Variants in RBFOX1 observed in about 807,000 individuals in gnomAD.
The protein encoded by RBFOX1 is RNA binding protein fox-1 homolog 1.
In RBFOX1, 8 loss-of-function variants were observed where a neutral mutation model predicts 57.7. That is an observed-to-expected ratio of 0.14 (90% CI 0.08 to 0.25). The LOEUF (loss-of-function observed/expected upper bound fraction) is 0.25. Ranked by LOEUF, RBFOX1 falls within the 10% of genes least tolerant of loss-of-function variation. RBFOX1 has a pLI of 1.00. For synonymous variants in RBFOX1, 326 were observed against 222.4 expected (o/e 1.47, Z -4.15); for missense variants, 611 against 548.5 (o/e 1.11, Z -1.14).
At chr16:5,893,299 A>T (rs1261159879) in intron 4 of RBFOX1, among the ~76,000 whole-genome samples, 1 of 152,242 alleles carries the variant, frequency 6.6e-6, no homozygotes, top group Admixed American at 6.5e-5. Context: ...TGTTAAGATC[A>T]CATGGTGAAT....
intron 2 of RBFOX1, among the ~76,000 whole-genome samples, chr16:6,647,860 A>C (rs2098546553): frequency 6.6e-6 from 1 of 151,868 alleles, no homozygotes; most frequent in South Asian, 2.1e-4. Flanking sequence ...TTTGTTTTGA[A>C]ACAGAGTCTT....
chr16:7,656,920 A>G (rs546357110), intron 12 of RBFOX1, among the ~76,000 whole-genome samples: 2 of 152,268 alleles, frequency 1.3e-5, no homozygotes, highest in East Asian at 1.9e-4. Context: ...CATTTCCTAA[A>G]TTGCCACAGT....
At chr16:7,576,025 C>T (rs2093307763) in intron 5 of RBFOX1, among the ~76,000 whole-genome samples, 1 of 152,074 alleles carries the variant, frequency 6.6e-6, no homozygotes, top group Admixed American at 6.6e-5. Context: ...CCTTGATCTC[C>T]TGGGCTCCAG....
chr16:7,486,303 T>A (rs1029363766), intron 4 of RBFOX1, among the ~76,000 whole-genome samples: 9 of 148,378 alleles, frequency 6.1e-5, no homozygotes, highest in Non-Finnish European at 1.5e-5. Context: ...GGTTCATTTT[T>A]GTTTTTTTTG....
chr16:5,645,446 A>C (rs2049022828), intron 3 of RBFOX1, among the ~76,000 whole-genome samples: 1 of 152,152 alleles, frequency 6.6e-6, no homozygotes, highest in African/African-American at 2.4e-5. Context: ...AAGAGTGATA[A>C]TGTTTGGGAA....
Position 7,346,623 on chromosome 16 carries a change from T to A in RBFOX1, c.28-171524T>A, listed in dbSNP as rs377253878. 1.4e-4 allele frequency among the ~76,000 whole-genome samples: 22 copies of A among 151,936 alleles called. No individual in the cohort carries two copies. In the East Asian group the frequency reaches 1.8e-3, roughly 12 times the overall value. ...CTGACACATCATGGTGTGTGTCCCATGTGGCCCACGGGCATTGCTTCGTTC... is the reference window on the plus strand; with the variant it reads ...CTGACACATCATGGTGTGTGTCCCAAGTGGCCCACGGGCATTGCTTCGTTC... On this transcript the variant is annotated intron_variant, in intron 4 of 15. Coordinates refer to ENST00000550418, the MANE Select transcript of RBFOX1 (RefSeq NM_018723.4).
intron 3 of RBFOX1, among the ~76,000 whole-genome samples, chr16:6,900,550 C>T (rs975484933): frequency 3.9e-5 from 6 of 152,180 alleles, no homozygotes; most frequent in Non-Finnish European, 8.8e-5. Context: ...CTGCTTCTCC[C>T]CTTACTCATT....
chr16:7,258,012 G>A (rs895559009), intron 4 of RBFOX1, among the ~76,000 whole-genome samples: 3 of 152,210 alleles, frequency 2.0e-5, no homozygotes, highest in East Asian at 3.8e-4. Flanking sequence ...CATTTGAGAT[G>A]TTCAATGTAA....
rs149873872 is a variant in RBFOX1 at position 6,969,377 on chromosome 16, T to G, written c.-15-82680T>G. Among the ~76,000 whole-genome samples, 861 of 152,020 alleles carry G rather than the reference T, an allele frequency of 5.7e-3. 9 individuals are homozygous for G. Among genetic ancestry groups the G allele is most frequent in the Middle Eastern group, 0.034 (10 of 294 alleles). ...AGTGATTCCATATTTAACTTAAAAA[T>G]TTGGATATTTTGTTCATGATGCATA... is the stretch of plus-strand genomic sequence containing the variant. On this transcript the variant is annotated intron_variant, in intron 3 of 15. Transcript: ENST00000550418.
intron 5 of RBFOX1, among the ~76,000 whole-genome samples, chr16:7,566,221 A>T (rs1053937638): frequency 2.6e-5 from 4 of 151,664 alleles, no homozygotes; most frequent in African/African-American, 7.3e-5. Flanking sequence ...TCAACCCAGG[A>T]CTCTAGTAGT....
chr16:7,201,034 G>T (rs2088256839), intron 4 of RBFOX1, among the ~76,000 whole-genome samples: 1 of 152,108 alleles, frequency 6.6e-6, no homozygotes, highest in Admixed American at 6.5e-5. Flanking sequence ...TCTCTAAATA[G>T]CAACCAAATT....
chr16:7,314,183 G>A (rs938626970), intron 4 of RBFOX1, among the ~76,000 whole-genome samples: 3 of 152,138 alleles, frequency 2.0e-5, no homozygotes, highest in African/African-American at 7.2e-5. Flanking sequence ...GTATTTCTCC[G>A]CAACCAATTC....
intron 4 of RBFOX1, among the ~76,000 whole-genome samples, chr16:7,217,015 C>CCCTCCCTCCCTT (rs1567748356): frequency 2.0e-5 from 1 of 50,712 alleles, no homozygotes; most frequent in Non-Finnish European, 3.7e-5. Flanking sequence ...TCCCTTCCCT[C>CCCTCCCTCCCTT]CCTCCCTCCC....
At chr16:6,318,090 T>C (rs2081324490) in intron 2 of RBFOX1, among the ~76,000 whole-genome samples, 1 of 152,140 alleles carries the variant, frequency 6.6e-6, no homozygotes, top group Non-Finnish European at 1.5e-5. Flanking sequence ...CTTTCTATTG[T>C]CTTGGAATTT....
intron 3 of RBFOX1, among the ~76,000 whole-genome samples, chr16:6,807,693 G>A (rs1202118759): frequency 1.3e-5 from 2 of 152,052 alleles, no homozygotes; most frequent in Non-Finnish European, 2.9e-5. Flanking sequence ...GCAGACGCCT[G>A]TAATCGGAGC....
intron 3 of RBFOX1, among the ~76,000 whole-genome samples, chr16:5,788,882 C>T (rs1288351361): frequency 2.0e-5 from 3 of 152,066 alleles, no homozygotes; most frequent in Non-Finnish European, 4.4e-5. Context: ...CTGTGAAAAG[C>T]CCCCATCCTG....
chr16:7,542,612 T>C (rs1382983255), intron 5 of RBFOX1, among the ~76,000 whole-genome samples: 5 of 148,538 alleles, frequency 3.4e-5, no homozygotes, highest in Non-Finnish European at 7.4e-5. Context: ...CCCAGCACTT[T>C]GGGAGGCCAA....
intron 3 of RBFOX1, among the ~76,000 whole-genome samples, chr16:5,757,269 G>T (rs900152442): frequency 1.5e-5 from 2 of 134,124 alleles, no homozygotes; most frequent in South Asian, 4.7e-4. Flanking sequence ...GTGTCACTCT[G>T]TTGCCAGGCT....
chr16:5,517,930 C>CTG (rs71404527), intron 2 of RBFOX1, among the ~76,000 whole-genome samples: 49,899 of 143,932 alleles, frequency 0.35, 8,443 homozygotes, highest in Admixed American at 0.43. Context: ...GCAAAAGCTA[C>CTG]TGTGTGTGTG....
Sources: allele counts gnomAD v4.1 joint callset (sites outside exome capture counted in the v4.1 genomes callset), GRCh38; gene constraint gnomAD v4.1.1; transcripts MANE v1.5; gene names NCBI Gene and HGNC (gene_info 2026-07-23, HGNC 2026-07-21).